STOX2: variants seen among roughly 807,000 people sequenced by gnomAD.
The protein encoded by STOX2 is storkhead-box protein 2.
STOX2 carries 28 observed loss-of-function variants against 60.9 expected under a neutral mutation model. The observed-to-expected ratio is 0.46, with a 90% confidence interval of 0.34 to 0.63. The LOEUF (loss-of-function observed/expected upper bound fraction) is 0.63, where lower values mean the gene tolerates loss of function less well. Among genes scored for constraint, STOX2 ranks in the 30% least tolerant of loss-of-function variants. The pLI, the probability that STOX2 is intolerant of heterozygous loss-of-function variation, is 0.01. For synonymous variants in STOX2, 472 were observed against 463.9 expected, an observed-to-expected ratio of 1.02 and a Z score of -0.22; for missense variants, 1,024 against 1,187.7, an observed-to-expected ratio of 0.86 and a Z score of 2.03.
chr4:183,864,475 C>A (rs557811342), intron 1 of STOX2, among the ~76,000 whole-genome samples: 1 of 152,242 alleles, frequency 6.6e-6, no homozygotes, highest in East Asian at 1.9e-4. Context: ...CTCACTGCAA[C>A]CTCCACCTCC....
intron 1 of STOX2, among the ~76,000 whole-genome samples, chr4:183,961,271 T>C (rs953790151): frequency 3.9e-5 from 6 of 152,156 alleles, no homozygotes; most frequent in Non-Finnish European, 5.9e-5. Context: ...CCCCAATGTA[T>C]TTACCCCTCA....
intron 1 of STOX2, among the ~76,000 whole-genome samples, chr4:183,908,238 C>T (rs1481392598): frequency 1.3e-5 from 2 of 152,176 alleles, no homozygotes; most frequent in African/African-American, 2.4e-5. Flanking sequence ...AAGCCAAATT[C>T]GTAAAGAAAG....
intron 1 of STOX2, among the ~76,000 whole-genome samples, chr4:183,936,337 C>A (rs1003059564): frequency 6.6e-6 from 1 of 152,044 alleles, no homozygotes; most frequent in African/African-American, 2.4e-5. Flanking sequence ...TGCTTCAGCA[C>A]CGCTTTTCTT....
At chr4:183,908,658 A>G (rs2111083916) in intron 1 of STOX2, among the ~76,000 whole-genome samples, 1 of 147,386 alleles carries the variant, frequency 6.8e-6, no homozygotes, top group African/African-American at 2.5e-5. Flanking sequence ...ATTCTTTGCA[A>G]AAGAACTTGT....
intron 1 of STOX2, among the ~76,000 whole-genome samples, chr4:183,844,729 A>G (rs1440153323): frequency 6.6e-6 from 1 of 152,240 alleles, no homozygotes; most frequent in Non-Finnish European, 1.5e-5. Flanking sequence ...AAATGCGTGT[A>G]GATTGGTTTA....
At chr4:183,901,247 C>T (rs1307343765), upstream of STOX2, among the ~76,000 whole-genome samples, 1 of 152,186 alleles carries the variant, frequency 6.6e-6, no homozygotes, top group African/African-American at 2.4e-5. Context: ...AAGATTTCCT[C>T]TCTTTAGAAT....
chr4:183,830,685 A>G (rs1020685460), intron 1 of STOX2, among the ~76,000 whole-genome samples: 2 of 152,164 alleles, frequency 1.3e-5, no homozygotes, highest in African/African-American at 4.8e-5. Context: ...GCTGGGATGA[A>G]AACATACCTT....
At chr4:183,892,550 G>A (rs949459380) in intron 1 of STOX2, among the ~76,000 whole-genome samples, 2 of 152,182 alleles carry the variant, frequency 1.3e-5, no homozygotes, top group Admixed American at 6.5e-5. Flanking sequence ...AAAGTGCTGG[G>A]ATTACAGGCG....
chr4:183,876,415 G>A (rs188651048), intron 1 of STOX2, among the ~76,000 whole-genome samples: 58 of 152,342 alleles, frequency 3.8e-4, no homozygotes, highest in African/African-American at 1.3e-3. Context: ...CTCTGACCAG[G>A]AGGTCAGATA....
chr4:183,991,236 C>T (rs1733091858), intron 1 of STOX2, among the ~76,000 whole-genome samples: 1 of 152,106 alleles, frequency 6.6e-6, no homozygotes. Context: ...GCTATGTGTT[C>T]TATATATCTG....
intron 1 of STOX2, among the ~76,000 whole-genome samples, chr4:183,932,576 G>GTT (rs759848238): frequency 3.4e-4 from 51 of 151,980 alleles, no homozygotes; most frequent in Admixed American, 1.0e-3. Context: ...TCCTTTCTGT[G>GTT]TTAACCTCAA....
At chr4:183,850,695 C>T (rs1355762167) in intron 1 of STOX2, among the ~76,000 whole-genome samples, 4 of 152,228 alleles carry the variant, frequency 2.6e-5, no homozygotes. Context: ...CACCACTGCA[C>T]TCCAGCCTGG....
intron 1 of STOX2, among the ~76,000 whole-genome samples, chr4:183,887,736 TA>T (rs1360633880): frequency 1.3e-5 from 2 of 152,230 alleles, no homozygotes; most frequent in African/African-American, 2.4e-5. Context: ...CTGATGCTGT[TA>T]AAAAATTTAT....
At chr4:183,832,712 A>T (rs539461850) in intron 1 of STOX2, among the ~76,000 whole-genome samples, 1 of 151,060 alleles carries the variant, frequency 6.6e-6, no homozygotes, top group African/African-American at 2.4e-5. Flanking sequence ...CTGGTCTTGA[A>T]CTCCTGACCT....
At chr4:183,938,822 C>T (rs1165541749) in intron 1 of STOX2, among the ~76,000 whole-genome samples, 1 of 152,058 alleles carries the variant, frequency 6.6e-6, no homozygotes, top group African/African-American at 2.4e-5. Context: ...TTTTGAAATG[C>T]ATTTTCGAAT....
chr4:183,951,365 G>T (rs1743084514), intron 1 of STOX2, among the ~76,000 whole-genome samples: 1 of 151,766 alleles, frequency 6.6e-6, no homozygotes, highest in Non-Finnish European at 1.5e-5. Context: ...CAAGACTAGA[G>T]AGAGGAAGGG....
At chr4:183,946,404 T>C (rs749867700) in intron 1 of STOX2, among the ~76,000 whole-genome samples, 13 of 152,080 alleles carry the variant, frequency 8.5e-5, no homozygotes, top group Non-Finnish European at 1.9e-4. Flanking sequence ...TCGGTGTCCA[T>C]GAGGAGGGGG....
In STOX2 at chr4:183,821,282, C is replaced by A. The variant is rs149309799; in HGVS notation, c.364+23227C>A. On this transcript the variant is annotated intron_variant, in intron 1 of 2. Coordinates refer to the STOX2 transcript ENST00000513034. This position sits in a 1 kb window ranked among gnomAD's most constrained non-coding sequence, Gnocchi z 4.2. ...CCCTTGGCTGGAGGCCCGTGTGTAA[C>A]CATATGGTGCTTCACGGAATGCAGA... Among the ~76,000 whole-genome samples the A allele has an allele frequency of 1.5e-4, 23 of 152,274 alleles. No individual in the cohort carries two copies. In the East Asian group the frequency reaches 4.4e-3, roughly 29 times the overall value.
At chr4:183,998,280 A>G (rs1560930329) in intron 1 of STOX2, among the ~76,000 whole-genome samples, 1 of 152,118 alleles carries the variant, frequency 6.6e-6, no homozygotes, top group African/African-American at 2.4e-5. Context: ...CTTCCTTTTC[A>G]TCTGACTTTA....
Sources: allele counts gnomAD v4.1 joint callset (sites outside exome capture counted in the v4.1 genomes callset), GRCh38; gene constraint gnomAD v4.1.1; non-coding constraint Gnocchi (gnomAD v3.1); transcripts MANE v1.5; gene names NCBI Gene and HGNC (gene_info 2026-07-23, HGNC 2026-07-21).